HERC1: variants seen among roughly 807,000 people sequenced by gnomAD.
The protein encoded by HERC1 is probable E3 ubiquitin-protein ligase HERC1.
HERC1 carries 160 observed loss-of-function variants against 554.3 expected under a neutral mutation model. That is an observed-to-expected ratio of 0.29 (90% CI 0.25 to 0.33). The LOEUF (loss-of-function observed/expected upper bound fraction) is 0.33. Among genes scored for constraint, HERC1 ranks in the 10% least tolerant of loss-of-function variants. The pLI is 1.00. For missense variants in HERC1, 4,919 were observed against 5,918.5 expected (o/e 0.83, Z 5.54); for synonymous variants, 2,175 against 2,131.7 (o/e 1.02, Z -0.56).
chr15:63,827,125 C>A (rs2077967601), intron 1 of HERC1, among the ~76,000 whole-genome samples: 1 of 151,992 alleles, frequency 6.6e-6, no homozygotes, highest in South Asian at 2.1e-4. Flanking sequence ...AGTCAAGTCA[C>A]AGCTGTAAAA....
Position 63,774,985 on chromosome 15 carries a change from C to A in HERC1, c.639G>T (p.Lys213Asn). The A allele has an allele frequency of 6.2e-7, 1 of 1,614,040 alleles. No individual in the cohort carries two copies. Among genetic ancestry groups the A allele is most frequent in the Non-Finnish European group, 8.5e-7 (1 of 1,179,886 alleles). Residue 213 changes from lysine to asparagine, a missense_variant, in exon 2 of 78, where the codon AAG becomes AAT. Transcript: ENST00000443617. ...AGCAGTCCAAGCCCATAGGAGGAAT[C>A]TTGCTTTCATTTGCTAATGATAATG... ...LPPLSLANESKIPPMGLDCLS... is the reference protein window; with the variant it reads ...LPPLSLANESNIPPMGLDCLS...
chr15:63,734,245 C>A lies in HERC1; in HGVS notation c.2646+479G>T, dbSNP rs2074410845. Among the ~76,000 whole-genome samples the A allele has an allele frequency of 6.6e-6, 1 of 152,060 alleles. No homozygotes were observed. Among genetic ancestry groups the A allele is most frequent in the Non-Finnish European group, 1.5e-5 (1 of 68,020 alleles). On this transcript the variant is annotated intron_variant, in intron 13 of 77. Coordinates refer to ENST00000443617, the MANE Select transcript of HERC1 (RefSeq NM_003922.4). This position sits in a 1 kb window ranked among gnomAD's most constrained non-coding sequence, Gnocchi z 4.6. ...AAGTACCAATTTTTTTTCCTCAAAT[C>A]TGTATCTCTGAATCTGATAACTTCT...
chr15:63,833,572 T>G (rs745703716), intron 1 of HERC1, among the ~76,000 whole-genome samples: 179 of 151,680 alleles, frequency 1.2e-3, no homozygotes, highest in Non-Finnish European at 1.1e-3. Context: ...TCTACGCTGC[T>G]CCGAGGCGCC....
In HERC1 at chr15:63,652,536, C is replaced by A; in HGVS notation, c.10296G>T (p.Met3432Ile). 2 of 1,587,958 alleles carry A rather than the reference C, an allele frequency of 1.3e-6. No homozygotes were observed. Among genetic ancestry groups the A allele is most frequent in the South Asian group, 2.3e-5 (2 of 87,462 alleles). The stretch of plus-strand genomic sequence containing the variant: ...CTTTTTTATTACACCAAACACATGT[C>A]ATTACCTAGAAAAGTTGAAACAGGT... ...IKLEAHQNRV[M>I]TCVWCNKKGL... is the part of the protein sequence containing the mutation. The change falls in exon 52 of 78, where the codon ATG becomes ATT. Residue 3432 changes from methionine (M) to isoleucine (I), a missense_variant. Physicochemically the swap from Met to Ile is conservative, Grantham distance 10. Transcript: ENST00000443617.
intron 41 of HERC1, 28 bp downstream of exon 41, chr15:63,666,328 T>C: frequency 2.6e-6 from 4 of 1,511,568 alleles, no homozygotes; most frequent in Non-Finnish European, 3.7e-6. Flanking sequence ...CATATCTGTA[T>C]ACACTGATAT....
At chr15:63,814,862 A>G (rs1042705000) in intron 1 of HERC1, among the ~76,000 whole-genome samples, 1 of 152,232 alleles carries the variant, frequency 6.6e-6, no homozygotes, top group Non-Finnish European at 1.5e-5. Context: ...CAAAATTGTT[A>G]AGAGGATCAA....
At chr15:63,688,566 G>A (rs1448431808) in intron 33 of HERC1, among the ~76,000 whole-genome samples, 1 of 152,186 alleles carries the variant, frequency 6.6e-6, no homozygotes, top group Non-Finnish European at 1.5e-5. Flanking sequence ...ATGGGCATAT[G>A]AGTCTGAATA....
At chr15:63,829,735 G>A (rs76537198) in intron 1 of HERC1, among the ~76,000 whole-genome samples, 4,030 of 151,304 alleles carry the variant, frequency 0.027, 71 homozygotes, top group African/African-American at 0.05. Context: ...AGAAGTAGTC[G>A]ACTCCAGGAC....
At chr15:63,640,529 A>T in intron 60 of HERC1, 84 bp from the exon 61 acceptor site, 1 of 1,150,038 alleles carries the variant, frequency 8.7e-7, no homozygotes, top group Non-Finnish European at 1.2e-6. Flanking sequence ...GAAAGTCTGG[A>T]ATCATATTTT....
At position 63,616,278 on chromosome 15, in the gene HERC1, G is replaced by A. The variant is rs545540094; in HGVS notation, c.13941+152C>T. On this transcript the variant is annotated intron_variant, in intron 75 of 77. Transcript: ENST00000443617. ...TATTAGAAGCTGTTTAAACTGCTGC[G>A]GTTGAGCTGCTAAGGGCAGCAATGG... is the stretch of plus-strand genomic sequence containing the variant. Among the ~76,000 whole-genome samples, 10 of 152,268 alleles carry A rather than the reference G, an allele frequency of 6.6e-5. 1 individual carries two copies. The highest frequency in any genetic ancestry group is 4.1e-4 in the South Asian group (2 of 4,824).
chr15:63,632,443 AAAG>A (rs1250469179), intron 68 of HERC1: 2 of 492,694 alleles, frequency 4.1e-6, no homozygotes, highest in Non-Finnish European at 7.4e-6. Flanking sequence ...GGGCAGTAGA[AAAG>A]AAGAGGGGAC....
At chr15:63,633,149 T>C (rs2068634670) in intron 67 of HERC1, among the ~76,000 whole-genome samples, 1 of 152,258 alleles carries the variant, frequency 6.6e-6, no homozygotes, top group African/African-American at 2.4e-5. Context: ...TTTTAGCTTT[T>C]ATGGGCGACA....
intron 74 of HERC1, 108 bp from the exon 75 acceptor site, chr15:63,616,790 G>T: frequency 1.1e-6 from 1 of 939,318 alleles, no homozygotes. Flanking sequence ...GTTCAATATG[G>T]CATCCATTAG....
chr15:63,760,435 CAA>C (rs34164820), intron 3 of HERC1, among the ~76,000 whole-genome samples: 67 of 91,420 alleles, frequency 7.3e-4, no homozygotes, highest in Middle Eastern at 7.5e-3. Flanking sequence ...AGACACCATC[CAA>C]AAAAAAAAAA....
At chr15:63,733,244 G>T (rs928955173) in intron 13 of HERC1, 99 bp from the exon 14 acceptor site, 7 of 727,420 alleles carry the variant, frequency 9.6e-6, no homozygotes, top group Non-Finnish European at 1.4e-5. Context: ...CCACTTACTA[G>T]CTTAATAAAT....
chr15:63,776,986 T>C (rs1441281233), intron 1 of HERC1, among the ~76,000 whole-genome samples: 1 of 152,296 alleles, frequency 6.6e-6, no homozygotes, highest in East Asian at 1.9e-4. Context: ...CATTGACATA[T>C]ATTTTTTATA....
At chr15:63,780,112 T>C (rs1239265727) in intron 1 of HERC1, 2 of 152,132 alleles carry the variant, frequency 1.3e-5, no homozygotes, top group Admixed American at 6.6e-5. Context: ...ATTTATGTAC[T>C]TTCAGAAAAT....
intron 17 of HERC1, among the ~76,000 whole-genome samples, chr15:63,725,720 T>C (rs889231420): frequency 6.6e-6 from 1 of 152,186 alleles, no homozygotes; most frequent in African/African-American, 2.4e-5. Flanking sequence ...CAAATAAAAT[T>C]TTCCTTGGAA....
intron 39 of HERC1, among the ~76,000 whole-genome samples, 169 bp from the exon 40 acceptor site, chr15:63,669,867 C>A (rs2070815840): frequency 6.6e-6 from 1 of 152,200 alleles, no homozygotes; most frequent in Non-Finnish European, 1.5e-5. Context: ...TTATCTCATG[C>A]AGCACTTTCA....
Sources: gnomAD v4.1 joint callset for allele counts (sites outside exome capture counted in the v4.1 genomes callset) on GRCh38, gnomAD v4.1.1 for gene constraint, Gnocchi (gnomAD v3.1) non-coding constraint, MANE v1.5 for transcripts, NCBI Gene and HGNC (gene_info 2026-07-23, HGNC 2026-07-21) for gene names.